Variants in WAC observed in about 807,000 individuals in gnomAD.
The protein encoded by WAC is WW domain-containing adapter protein with coiled-coil.
Under a neutral mutation model 79.6 loss-of-function variants are expected in WAC, and 11 were observed. The observed-to-expected ratio is 0.14, with a 90% CI of 0.09 to 0.23. WAC has a LOEUF of 0.23. Ranked by LOEUF, WAC falls within the 10% of genes least tolerant of loss-of-function variation. The pLI, the probability that WAC is intolerant of heterozygous loss-of-function variation, is 1.00. For synonymous variants in WAC, 304 were observed against 276.9 expected, an observed-to-expected ratio of 1.10 and a Z score of -0.97; for missense variants, 728 against 773.5, an observed-to-expected ratio of 0.94 and a Z score of 0.70.
At chr10:28,602,894 A>G (rs892309926) in intron 7 of WAC, among the ~76,000 whole-genome samples, 1 of 152,290 alleles carries the variant, frequency 6.6e-6, no homozygotes, top group South Asian at 2.1e-4. Flanking sequence ...AAGCATTAAG[A>G]AGTTTTGTCT....
At chr10:28,594,109 G>T (rs542764342) in intron 6 of WAC, among the ~76,000 whole-genome samples, 1 of 152,320 alleles carries the variant, frequency 6.6e-6, no homozygotes, top group South Asian at 2.1e-4. Context: ...ATCTAGAGTT[G>T]TAAGTATAGA....
At chr10:28,616,995 ATTACGTGAACCCAGGAGG>A (rs1841496136) in intron 12 of WAC, among the ~76,000 whole-genome samples, 1 of 152,140 alleles carries the variant, frequency 6.6e-6, no homozygotes, top group South Asian at 2.1e-4. Context: ...AGGCACCAGA[ATTACGTGAACCCAGGAGG>A]CAGAAGTTGC....
chr10:28,553,556 C>G (rs1197716936), intron 3 of WAC, among the ~76,000 whole-genome samples: 1 of 151,912 alleles, frequency 6.6e-6, no homozygotes, highest in Non-Finnish European at 1.5e-5. Context: ...CCTTAAGGCA[C>G]TCATGGTGTT....
At chr10:28,562,005 G>A (rs1480399190) in intron 3 of WAC, among the ~76,000 whole-genome samples, 2 of 152,140 alleles carry the variant, frequency 1.3e-5, no homozygotes, top group African/African-American at 4.8e-5. Flanking sequence ...GAGACTAGGA[G>A]CTGAGTATGA....
intron 3 of WAC, among the ~76,000 whole-genome samples, chr10:28,578,229 T>C (rs1445715337): frequency 6.6e-6 from 1 of 152,194 alleles, no homozygotes; most frequent in East Asian, 1.9e-4. Flanking sequence ...CTTTGAGATC[T>C]ACAATTTTTA....
chr10:28,543,683 T>G (rs937903351), intron 3 of WAC, among the ~76,000 whole-genome samples: 7 of 152,246 alleles, frequency 4.6e-5, no homozygotes, highest in Non-Finnish European at 8.8e-5. Flanking sequence ...ATATAGTGCT[T>G]CTTGTACTAA....
chr10:28,568,762 C>T (rs950533224), intron 3 of WAC, among the ~76,000 whole-genome samples: 14 of 152,120 alleles, frequency 9.2e-5, no homozygotes, highest in Admixed American at 2.0e-4. Flanking sequence ...ATTACAGAGA[C>T]GGGGTTTCAC....
At chr10:28,587,879 G>A (rs1403470891) in intron 4 of WAC, among the ~76,000 whole-genome samples, 1 of 151,966 alleles carries the variant, frequency 6.6e-6, no homozygotes, top group Non-Finnish European at 1.5e-5. Flanking sequence ...CCTGGAGGTT[G>A]TGCCAGAATG....
At chr10:28,600,407 A>G (rs1217495107) in intron 7 of WAC, among the ~76,000 whole-genome samples, 1 of 152,174 alleles carries the variant, frequency 6.6e-6, no homozygotes, top group Non-Finnish European at 1.5e-5. Context: ...TAGCTGATGT[A>G]GATGGTCATT....
intron 6 of WAC, 108 bp downstream of exon 6, chr10:28,590,940 CA>C: frequency 1.1e-6 from 1 of 900,278 alleles, no homozygotes; most frequent in Non-Finnish European, 1.7e-6. Context: ...TAAATAGAAA[CA>C]TACGGAGATT....
chr10:28,587,751 G>A (rs553869246), intron 4 of WAC, among the ~76,000 whole-genome samples: 6 of 152,292 alleles, frequency 3.9e-5, no homozygotes, highest in Admixed American at 3.9e-4. Context: ...GTATGTGATT[G>A]TATGCTCTAC....
chr10:28,539,243 T>A (rs201494927), intron 3 of WAC, among the ~76,000 whole-genome samples: 1 of 152,166 alleles, frequency 6.6e-6, no homozygotes, highest in African/African-American at 2.4e-5. Context: ...TCAGAAGTAA[T>A]GTATGAAAGG....
chr10:28,606,882 T>C (rs1840982170), intron 7 of WAC, among the ~76,000 whole-genome samples: 3 of 152,218 alleles, frequency 2.0e-5, no homozygotes, highest in Non-Finnish European at 4.4e-5. Context: ...GTTATATCAA[T>C]TTATTATCCA....
chr10:28,561,620 G>A (rs1838303785), intron 3 of WAC, among the ~76,000 whole-genome samples: 1 of 152,142 alleles, frequency 6.6e-6, no homozygotes, highest in Non-Finnish European at 1.5e-5. Flanking sequence ...GGGATAATGG[G>A]TGAAATAATA....
At chr10:28,596,809 A>C (rs574874936) in intron 7 of WAC, among the ~76,000 whole-genome samples, 1 of 152,264 alleles carries the variant, frequency 6.6e-6, no homozygotes, top group South Asian at 2.1e-4. Flanking sequence ...ATGCGCTTTT[A>C]AATGTGCTGT....
chr10:28,603,661 G>A (rs1014958297), intron 7 of WAC, among the ~76,000 whole-genome samples: 1 of 151,804 alleles, frequency 6.6e-6, no homozygotes, highest in Non-Finnish European at 1.5e-5. Flanking sequence ...GGCCAGGTGC[G>A]GTAGCTCACG....
chr10:28,547,188 C>G lies in WAC; in HGVS notation c.274+11431C>G, dbSNP rs377332572. On this transcript the variant is annotated intron_variant, in intron 3 of 13. Coordinates refer to ENST00000354911, the MANE Select transcript of WAC (RefSeq NM_016628.5). ...TTTTATAGCATAGTTCATTTCATTTCTCATTTTTAAAAGCACTTTTTGCTT... is the reference window on the plus strand; with the variant it reads ...TTTTATAGCATAGTTCATTTCATTTGTCATTTTTAAAAGCACTTTTTGCTT... 1.7e-4 allele frequency among the ~76,000 whole-genome samples: 26 copies of G among 152,182 alleles called. No individual in the cohort carries two copies. The East Asian group carries it at 2.5e-3, about 15-fold the overall frequency.
intron 3 of WAC, among the ~76,000 whole-genome samples, chr10:28,549,521 T>A (rs1837547251): frequency 6.6e-6 from 1 of 152,228 alleles, no homozygotes; most frequent in African/African-American, 2.4e-5. Context: ...TTCCTGTGTT[T>A]ATGGGCAACT....
chr10:28,599,872 T>C (rs1484511562), intron 7 of WAC, among the ~76,000 whole-genome samples: 1 of 152,180 alleles, frequency 6.6e-6, no homozygotes, highest in Admixed American at 6.5e-5. Context: ...CATCTATGTA[T>C]GATCACTTTA....
Sources: allele counts gnomAD v4.1 joint callset (sites outside exome capture counted in the v4.1 genomes callset), GRCh38; gene constraint gnomAD v4.1.1; transcripts MANE v1.5; gene names NCBI Gene and HGNC (gene_info 2026-07-23, HGNC 2026-07-21).